Variants in STK32B observed in about 807,000 individuals in gnomAD.
STK32B encodes the protein serine/threonine kinase 32B.
A neutral mutation model predicts 52.6 loss-of-function variants in STK32B; 43 were observed. That is an observed-to-expected ratio of 0.82 (90% CI 0.64 to 1.05). STK32B has a LOEUF of 1.05. Ranked by LOEUF, STK32B falls within the 50% of genes least tolerant of loss-of-function variation. STK32B has a pLI of 0.00. For synonymous variants in STK32B, 238 were observed against 204.3 expected (o/e 1.17, Z -1.41); for missense variants, 621 against 534.6 (o/e 1.16, Z -1.59).
chr4:5,308,897 A>G (rs1730104422), intron 3 of STK32B, among the ~76,000 whole-genome samples: 1 of 152,150 alleles, frequency 6.6e-6, no homozygotes. Flanking sequence ...TGTCCTAGAC[A>G]GAACAATTAT....
At chr4:5,062,021 A>G (rs1742236556) in intron 1 of STK32B, among the ~76,000 whole-genome samples, 1 of 152,196 alleles carries the variant, frequency 6.6e-6, no homozygotes, top group South Asian at 2.1e-4. Context: ...GTACAGTTAC[A>G]GTTTTACTTA....
chr4:5,151,395 G>C (rs917810519), intron 2 of STK32B, among the ~76,000 whole-genome samples: 1 of 152,196 alleles, frequency 6.6e-6, no homozygotes, highest in Admixed American at 6.5e-5. Flanking sequence ...TGGCTTTGCT[G>C]TCTGTCTTTG....
chr4:5,172,977 C>G (rs1363906219), intron 3 of STK32B, among the ~76,000 whole-genome samples: 2 of 152,170 alleles, frequency 1.3e-5, no homozygotes, highest in East Asian at 3.8e-4. Context: ...ATTATTGCCT[C>G]AATTTCAGAT....
chr4:5,242,639 T>G (rs1725119421), intron 3 of STK32B, among the ~76,000 whole-genome samples: 1 of 152,248 alleles, frequency 6.6e-6, no homozygotes, highest in African/African-American at 2.4e-5. Flanking sequence ...GTTTTAGACA[T>G]GACGTCCTTG....
chr4:5,130,495 G>A (rs552951213), intron 1 of STK32B, among the ~76,000 whole-genome samples: 1 of 152,232 alleles, frequency 6.6e-6, no homozygotes, highest in Non-Finnish European at 1.5e-5. Context: ...GGCAAAGAAA[G>A]TAATCTCTTG....
chr4:5,322,416 C>T (rs1483647215), intron 3 of STK32B, among the ~76,000 whole-genome samples: 1 of 152,066 alleles, frequency 6.6e-6, no homozygotes. Flanking sequence ...CCTCGGAGGT[C>T]AGATGGAATG....
chr4:5,300,102 G>A (rs1436395334), intron 3 of STK32B, among the ~76,000 whole-genome samples: 1 of 152,080 alleles, frequency 6.6e-6, no homozygotes, highest in Admixed American at 6.5e-5. Flanking sequence ...TGATCAAGTA[G>A]GCTTTATTCA....
At chr4:5,134,406 T>C (rs1032642922) in intron 1 of STK32B, among the ~76,000 whole-genome samples, 35 of 152,182 alleles carry the variant, frequency 2.3e-4, no homozygotes, top group African/African-American at 8.4e-4. Flanking sequence ...TCTTGCTCCT[T>C]TGTTATCTTG....
intron 4 of STK32B, among the ~76,000 whole-genome samples, chr4:5,343,067 G>T (rs555732169): frequency 1.3e-5 from 2 of 151,402 alleles, no homozygotes; most frequent in African/African-American, 4.9e-5. Flanking sequence ...GTCATTTAAC[G>T]TTAGGTATAT....
At chr4:5,183,043 T>A (rs982293671) in intron 3 of STK32B, among the ~76,000 whole-genome samples, 3 of 152,160 alleles carry the variant, frequency 2.0e-5, no homozygotes, top group African/African-American at 7.2e-5. Flanking sequence ...TTGTTCCATT[T>A]ATAGAATACA....
chr4:5,427,735 C>T (rs1371103447), intron 6 of STK32B, among the ~76,000 whole-genome samples: 1 of 152,066 alleles, frequency 6.6e-6, no homozygotes, highest in Non-Finnish European at 1.5e-5. Context: ...AGTGTAAATT[C>T]TGTAGTGATG....
intron 3 of STK32B, among the ~76,000 whole-genome samples, chr4:5,198,083 G>T (rs922677097): frequency 9.2e-5 from 14 of 151,938 alleles, no homozygotes; most frequent in African/African-American, 3.4e-4. Flanking sequence ...ATGATGAACT[G>T]TTCTTATTTC....
chr4:5,277,863 A>G (rs1327066812), intron 3 of STK32B, among the ~76,000 whole-genome samples: 1 of 152,186 alleles, frequency 6.6e-6, no homozygotes, highest in Non-Finnish European at 1.5e-5. Flanking sequence ...GACCATCCAT[A>G]AGAATATTTT....
intron 4 of STK32B, among the ~76,000 whole-genome samples, chr4:5,353,275 T>C (rs1275115068): frequency 1.3e-5 from 2 of 152,122 alleles, no homozygotes; most frequent in Non-Finnish European, 2.9e-5. Context: ...AAGACTTATA[T>C]GTAAGACAAT....
At chr4:5,150,560 A>G (rs1031031285) in intron 2 of STK32B, among the ~76,000 whole-genome samples, 5 of 148,278 alleles carry the variant, frequency 3.4e-5, no homozygotes, top group African/African-American at 9.7e-5. Flanking sequence ...TGGCAGGCAC[A>G]TGAATCTCAG....
At chr4:5,226,591 G>T (rs566546492) in intron 3 of STK32B, among the ~76,000 whole-genome samples, 1 of 152,256 alleles carries the variant, frequency 6.6e-6, no homozygotes, top group East Asian at 1.9e-4. Context: ...TAGTCACTTA[G>T]GAGCAGTCTT....
the STK32B span, among the ~76,000 whole-genome samples, chr4:5,035,514 A>C: frequency 2.6e-5 from 4 of 152,176 alleles, no homozygotes; most frequent in Non-Finnish European, 2.9e-5. Context: ...CCCCACCCAC[A>C]CATGTGCCTG....
chr4:5,229,077 A>G (rs1214825549), intron 3 of STK32B, among the ~76,000 whole-genome samples: 1 of 152,228 alleles, frequency 6.6e-6, no homozygotes, highest in African/African-American at 2.4e-5. Context: ...CTTTATTGCT[A>G]AAATATACTA....
chr4:5,122,826 G>T (rs533900573), intron 1 of STK32B, among the ~76,000 whole-genome samples: 1 of 152,164 alleles, frequency 6.6e-6, no homozygotes, highest in Admixed American at 6.5e-5. Context: ...CTCCTGCCTG[G>T]GTTCCATGAT....
Sources: allele counts gnomAD v4.1 joint callset (sites outside exome capture counted in the v4.1 genomes callset), GRCh38; gene constraint gnomAD v4.1.1; transcripts MANE v1.5; gene names NCBI Gene and HGNC (gene_info 2026-07-23, HGNC 2026-07-21).